The following MROH7 variants were observed in gnomAD, a reference collection of about 807,000 sequenced individuals.
MROH7 encodes maestro heat-like repeat-containing protein family member 7.
A neutral mutation model predicts 129.2 loss-of-function variants in MROH7; 113 were observed. The ratio of observed to expected loss-of-function variants is 0.87; its 90% CI spans 0.75 to 1.02. MROH7 has a LOEUF of 1.02. Ranked by LOEUF, MROH7 falls within the 50% of genes least tolerant of loss-of-function variation. The probability of loss-of-function intolerance (pLI) is 0.00; values close to 1 mark genes in which losing one functional copy is unlikely to be tolerated. For missense variants in MROH7, 1,601 were observed against 1,671.3 expected (o/e 0.96, Z 0.73); for synonymous variants, 655 against 667.9 (o/e 0.98, Z 0.30).
intron 1 of MROH7, among the ~76,000 whole-genome samples, chr1:54,642,171 C>A (rs1644398406): frequency 6.6e-6 from 1 of 152,160 alleles, no homozygotes; most frequent in African/African-American, 2.4e-5. Context: ...GTCTCCCCAG[C>A]CTGCCCTCAC....
intron 15 of MROH7, among the ~76,000 whole-genome samples, chr1:54,686,721 T>A (rs1645154367): frequency 6.6e-6 from 1 of 152,216 alleles, no homozygotes; most frequent in Non-Finnish European, 1.5e-5. Flanking sequence ...TCTTCTTTCC[T>A]CCCTAGAGGT....
Position 54,700,351 on chromosome 1 carries a change from C to T in MROH7, c.2995C>T (p.Pro999Ser). ...CCAGATGGAGCAGGTGCGCCGGATCCCCGAGGAATACTCTCTGGGGCGGAT... is the reference window on the plus strand; with the variant it reads ...CCAGATGGAGCAGGTGCGCCGGATCTCCGAGGAATACTCTCTGGGGCGGAT... ...LLQMEQVRRI[P>S]EEYSLGRMAE... Residue 999 changes from proline to serine, a missense_variant, in exon 18 of 24, where the codon CCC (proline) becomes TCC (serine). By Grantham distance (74) the Pro-to-Ser change is moderately conservative (BLOSUM62 -1). Transcript: ENST00000421030. The T allele has an allele frequency of 6.2e-7, 1 of 1,614,144 alleles. No homozygotes were observed. Among genetic ancestry groups the T allele is most frequent in the Non-Finnish European group, 8.5e-7 (1 of 1,179,998 alleles).
rs1478231336 is a variant in MROH7, at chr1:54,682,351, AG to A, written c.2382-304del. 2.6e-5 allele frequency among the ~76,000 whole-genome samples: 4 copies of A among 152,022 alleles called. No homozygotes were observed. In the East Asian group the frequency reaches 7.8e-4, roughly 30 times the overall value. ...AGCTAATTTTTTTTGTATTATTAGTAGAGACGGGGTTTCACCATATTGGCCA... is the reference window on the plus strand; with the variant it reads ...AGCTAATTTTTTTTGTATTATTAGTAAGACGGGGTTTCACCATATTGGCCA... On this transcript the variant is annotated intron_variant, in intron 13 of 23. Coordinates refer to ENST00000421030, the MANE Select transcript of MROH7 (RefSeq NM_001039464.4).
intron 4 of MROH7, among the ~76,000 whole-genome samples, chr1:54,667,067 C>T (rs903929636): frequency 1.3e-5 from 2 of 152,194 alleles, no homozygotes; most frequent in African/African-American, 4.8e-5. Context: ...TGAGCCTCTA[C>T]TATGTGCCAG....
At chr1:54,707,180 A>G (rs982627940) in intron 22 of MROH7, among the ~76,000 whole-genome samples, 6 of 152,132 alleles carry the variant, frequency 3.9e-5, no homozygotes, top group African/African-American at 1.4e-4. Context: ...ATTCCCCTTG[A>G]CCAGAGCCCC....
intron 4 of MROH7, 81 bp downstream of exon 4, chr1:54,665,321 C>A: frequency 1.9e-6 from 2 of 1,035,588 alleles, no homozygotes; most frequent in Non-Finnish European, 3.0e-6. Flanking sequence ...GCCCAGCAGC[C>A]TCCGCATTCC....
At chr1:54,665,089 G>A in intron 3 of MROH7, 78 bp from the exon 4 acceptor site, 6 of 1,094,956 alleles carry the variant, frequency 5.5e-6, no homozygotes, top group South Asian at 4.0e-5. Flanking sequence ...GCCTAGAGGG[G>A]GAGGAGAGAG....
chr1:54,704,791 C>CTGTTT (rs778005467), intron 21 of MROH7, among the ~76,000 whole-genome samples: 1 of 67,272 alleles, frequency 1.5e-5, no homozygotes. Flanking sequence ...TTCAATGTAG[C>CTGTTT]TCTTTTTTTT....
Position 54,672,986 on chromosome 1 carries a change from C to G in MROH7, c.1600-105C>G, listed in dbSNP as rs560452599. The G allele has an allele frequency of 1.8e-5, 13 of 725,794 alleles. No individual in the cohort carries two copies. In the South Asian group the frequency reaches 2.1e-4, roughly 12 times the overall value. 45.0% of individuals were successfully genotyped at this position (725,794 alleles called of 1,614,324 possible). A position where few individuals can be genotyped will look rare whatever the true frequency, so the allele number is the denominator to read the frequency against. On this transcript the variant is annotated intron_variant, in intron 7 of 23. Transcript: ENST00000421030. ...GAGGTGGGACCAGAAAGCAGCTTTC[C>G]TGGGTCTTAATTCCCCCTCCTCCCC...
chr1:54,682,533 G>T, intron 13 of MROH7, 123 bp from the exon 14 acceptor site: 1 of 892,816 alleles, frequency 1.1e-6, no homozygotes, highest in Admixed American at 2.3e-5. Context: ...ACTATTCCTT[G>T]CAGGTGTGCC....
chr1:54,650,382 T>A (rs1371691797), intron 1 of MROH7, among the ~76,000 whole-genome samples: 5 of 152,190 alleles, frequency 3.3e-5, no homozygotes, highest in Admixed American at 3.3e-4. Flanking sequence ...GAGTAAATGA[T>A]TCACTGAATG....
chr1:54,673,005 C>A, intron 7 of MROH7, 86 bp from the exon 8 acceptor site: 1 of 892,874 alleles, frequency 1.1e-6, no homozygotes, highest in Non-Finnish European at 1.8e-6. Context: ...AATTCCCCCT[C>A]CTCCCCTGAC....
chr1:54,674,898 T>A (rs1048174251), intron 10 of MROH7, among the ~76,000 whole-genome samples: 7 of 152,358 alleles, frequency 4.6e-5, no homozygotes, highest in South Asian at 4.1e-4. Flanking sequence ...CGCTGCTTAG[T>A]GGTGTGACCT....
Position 54,710,086 on chromosome 1 carries a change from C to T in MROH7, c.3871C>T (p.His1291Tyr), listed in dbSNP as rs779944388. Residue 1291 changes from histidine to tyrosine, a missense_variant, in exon 24 of 24, where the codon CAC (histidine) becomes TAC (tyrosine). Physicochemically the swap from His to Tyr is moderately conservative, Grantham distance 83. Transcript: ENST00000421030. Reference protein sequence around the residue: ...NSWVCYSATTHRWSPSCENLP... With the variant: ...NSWVCYSATTYRWSPSCENLP... ...ATGGGTGTGTTACTCAGCCACCACC[C>T]ACCGCTGGAGCCCCAGCTGTGAGAA... The T allele has an allele frequency of 1.9e-6, 3 of 1,614,102 alleles. No individual in the cohort carries two copies. Among genetic ancestry groups the T allele is most frequent in the Non-Finnish European group, 2.5e-6 (3 of 1,180,012 alleles).
intron 10 of MROH7, among the ~76,000 whole-genome samples, chr1:54,677,741 G>T (rs539019339): frequency 5.9e-5 from 9 of 152,328 alleles, no homozygotes; most frequent in Non-Finnish European, 8.8e-5. Flanking sequence ...AAGGGCTCAG[G>T]AAGTGCGCCT....
rs577302951 is a variant in MROH7, at chr1:54,710,089, C to T, written c.3874C>T (p.Arg1292Cys). ...SWVCYSATTH[R>C]WSPSCENLPT... ...GGTGTGTTACTCAGCCACCACCCACCGCTGGAGCCCCAGCTGTGAGAACCT... is the reference window on the plus strand; with the variant it reads ...GGTGTGTTACTCAGCCACCACCCACTGCTGGAGCCCCAGCTGTGAGAACCT... The change falls in exon 24 of 24, where the codon CGC (arginine) becomes TGC (cysteine). Residue 1292 changes from arginine (R) to cysteine (C), a missense_variant. Coordinates refer to ENST00000421030, the MANE Select transcript of MROH7 (RefSeq NM_001039464.4). 81 of 1,614,048 alleles carry T rather than the reference C, an allele frequency of 5.0e-5. 1 individual carries two copies. In the South Asian group the frequency reaches 5.1e-4, roughly 10 times the overall value.
At chr1:54,655,678 C>T (rs1353283201) in intron 3 of MROH7, among the ~76,000 whole-genome samples, 1 of 152,036 alleles carries the variant, frequency 6.6e-6, no homozygotes, top group Non-Finnish European at 1.5e-5. Context: ...CCACCATGCC[C>T]AGCCTCTGTA....
intron 20 of MROH7, 29 bp from the exon 21 acceptor site, chr1:54,702,594 T>C (rs1645457994): frequency 6.4e-7 from 1 of 1,559,606 alleles, no homozygotes; most frequent in African/African-American, 1.4e-5. Flanking sequence ...TGTCCACAGT[T>C]CTGATATTTT....
intron 1 of MROH7, among the ~76,000 whole-genome samples, chr1:54,642,698 C>G (rs1052773205): frequency 7.2e-5 from 11 of 152,198 alleles, no homozygotes; most frequent in African/African-American, 2.7e-4. Flanking sequence ...TCACTGCAGC[C>G]TCAACCTCCC....
Sources: allele counts gnomAD v4.1 joint callset (sites outside exome capture counted in the v4.1 genomes callset), GRCh38; gene constraint gnomAD v4.1.1; transcripts MANE v1.5; gene names NCBI Gene and HGNC (gene_info 2026-07-23, HGNC 2026-07-21).